Variants in GPRIN3 observed in about 807,000 individuals in gnomAD.
GPRIN3 encodes the protein G protein-regulated inducer of neurite outgrowth 3.
In GPRIN3, 12 loss-of-function variants were observed where a neutral mutation model predicts 13.7. That is an observed-to-expected ratio of 0.87 (90% CI 0.56 to 1.42). The LOEUF is 1.42. Ranked by LOEUF, GPRIN3 falls within the 40% of genes most tolerant of loss-of-function variation. GPRIN3 has a pLI of 0.00. For missense variants in GPRIN3, 1,009 were observed against 958.7 expected (o/e 1.05, Z -0.69); for synonymous variants, 377 against 372.7 (o/e 1.01, Z -0.13).
chr4:89,289,403 C>T (rs1444981857), intron 1 of GPRIN3, among the ~76,000 whole-genome samples: 1 of 152,040 alleles, frequency 6.6e-6, no homozygotes, highest in African/African-American at 2.4e-5. Context: ...ATTTTGACAG[C>T]TTTTGTCCCT....
At chr4:89,274,174 C>G (rs115062519) in intron 1 of GPRIN3, among the ~76,000 whole-genome samples, 3 of 152,138 alleles carry the variant, frequency 2.0e-5, no homozygotes, top group African/African-American at 7.2e-5. Context: ...TACAGCAACA[C>G]GCCAAATAAA....
chr4:89,306,186 T>TA (rs1725028667), intron 1 of GPRIN3, among the ~76,000 whole-genome samples: 1 of 152,174 alleles, frequency 6.6e-6, no homozygotes, highest in Admixed American at 6.5e-5. Context: ...CTTTTGCAGA[T>TA]AGCAGCAGAG....
chr4:89,292,576 G>A (rs1298890363), intron 1 of GPRIN3, among the ~76,000 whole-genome samples: 3 of 152,098 alleles, frequency 2.0e-5, no homozygotes, highest in Non-Finnish European at 4.4e-5. Flanking sequence ...AGAGGTTGAG[G>A]GTCACTGATA....
intron 1 of GPRIN3, among the ~76,000 whole-genome samples, chr4:89,301,537 A>G (rs1421884851): frequency 6.6e-6 from 1 of 152,196 alleles, no homozygotes; most frequent in Non-Finnish European, 1.5e-5. Context: ...ATTTCATTAA[A>G]CCAAAGTTAT....
rs534147368 is a variant in GPRIN3 at position 89,250,203 on chromosome 4, C to G, written c.-93G>C. ...GCAGTCAGAGCTCAGAGTGATGACACAGTCAGGGATGATTCCTCTGAAGAA... is the reference window on the plus strand; with the variant it reads ...GCAGTCAGAGCTCAGAGTGATGACAGAGTCAGGGATGATTCCTCTGAAGAA... On this transcript the variant is annotated 5_prime_UTR_variant, in exon 2 of 2. Transcript: ENST00000609438. The G allele has an allele frequency of 4.4e-4, 669 of 1,517,396 alleles. 1 individual carries two copies. The highest frequency in any genetic ancestry group is 5.5e-4 in the Non-Finnish European group (626 of 1,133,890). The allele number at this position is 1,517,396 out of a possible 1,614,324, so 94.0% of individuals were successfully genotyped here. A position where few individuals can be genotyped will look rare whatever the true frequency, so the allele number is the denominator to read the frequency against.
chr4:89,297,506 T>C (rs1724771640), intron 1 of GPRIN3, among the ~76,000 whole-genome samples: 1 of 152,164 alleles, frequency 6.6e-6, no homozygotes, highest in African/African-American at 2.4e-5. Flanking sequence ...ATTCTATAAT[T>C]GAGGCTCCAT....
chr4:89,271,922 T>A (rs1224406751), intron 1 of GPRIN3, among the ~76,000 whole-genome samples: 1 of 151,986 alleles, frequency 6.6e-6, no homozygotes, highest in East Asian at 1.9e-4. Context: ...AGTGATTAGG[T>A]CATGAGGTCA....
At chr4:89,282,784 C>T (rs576641598) in intron 1 of GPRIN3, among the ~76,000 whole-genome samples, 6 of 151,948 alleles carry the variant, frequency 3.9e-5, no homozygotes, top group East Asian at 1.9e-4. Flanking sequence ...CTTCGTGGCC[C>T]GAGGTGGCTC....
intron 1 of GPRIN3, among the ~76,000 whole-genome samples, chr4:89,263,812 T>C (rs72872525): frequency 0.062 from 9,506 of 152,234 alleles, 984 homozygotes; most frequent in African/African-American, 0.21. Flanking sequence ...ATCAAAGATG[T>C]GCATTTACTA....
At position 89,245,625 on chromosome 4, in the gene GPRIN3, G is replaced by A. The variant is rs1392914353; in HGVS notation, c.*2155C>T. ...ACCTGGGGCCACCCATCTGGAGTAG[G>A]CCCTGTTGACAGCTGCTACTGTGTA... On this transcript the variant is annotated 3_prime_UTR_variant, in exon 2 of 2. Coordinates refer to ENST00000609438, the MANE Select transcript of GPRIN3 (RefSeq NM_198281.3). 6.6e-6 allele frequency: 1 copy of A among 152,226 alleles called. No homozygotes were observed. The highest frequency in any genetic ancestry group is 2.4e-5 in the African/African-American group (1 of 41,434). 9.4% of individuals were successfully genotyped at this position (152,226 alleles called of 1,614,324 possible).
rs1053634642 is a variant in GPRIN3 at position 89,298,489 on chromosome 4, G to C, written c.-124+9126C>G. ...GACAGAGGAGGGACCCAGGTTGTTA[G>C]GCTACCAGGGGAATTCTCTGAGATC... is the stretch of plus-strand genomic sequence containing the variant. On this transcript the variant is annotated intron_variant, in intron 1 of 1. Coordinates refer to ENST00000609438, the MANE Select transcript of GPRIN3 (RefSeq NM_198281.3). Among the ~76,000 whole-genome samples, 4 of 151,944 alleles carry C rather than the reference G, an allele frequency of 2.6e-5. No individual in the cohort carries two copies. In the East Asian group the frequency reaches 7.7e-4, roughly 29 times the overall value.
chr4:89,249,730 T>C lies in GPRIN3; in HGVS notation c.381A>G (p.Thr127=). 6.2e-7 allele frequency: 1 copy of C among 1,614,148 alleles called. No individual in the cohort carries two copies. The highest frequency in any genetic ancestry group is 8.5e-7 in the Non-Finnish European group (1 of 1,180,006). Reference sequence around the variant, plus strand: ...GGCAGGTGTGCTGATTGGCGGGCATTGTCAATGGTGTGTGTATAAGATCCC... The same window carrying C: ...GGCAGGTGTGCTGATTGGCGGGCATCGTCAATGGTGTGTGTATAAGATCCC... ...AGRDLIHTPL[T]MPANQHTCQS... Residue 127 remains threonine, a synonymous_variant, in exon 2 of 2, where the codon ACA becomes ACG. Transcript: ENST00000609438.
chr4:89,304,859 TCTTA>T (rs1406416671), intron 1 of GPRIN3, among the ~76,000 whole-genome samples: 2 of 152,214 alleles, frequency 1.3e-5, no homozygotes, highest in African/African-American at 4.8e-5. Context: ...TCATTCTCTC[TCTTA>T]TTTTTCTAAT....
chr4:89,252,373 A>G (rs1407045272), intron 1 of GPRIN3, among the ~76,000 whole-genome samples: 1 of 152,238 alleles, frequency 6.6e-6, no homozygotes, highest in Non-Finnish European at 1.5e-5. Context: ...TTTATCATTA[A>G]TAAGCCATGT....
Position 89,300,051 on chromosome 4 carries a change from C to T in GPRIN3, c.-124+7564G>A, listed in dbSNP as rs569200245. Among the ~76,000 whole-genome samples, 91 of 152,236 alleles carry T rather than the reference C, an allele frequency of 6.0e-4. 2 individuals carry two copies. Among genetic ancestry groups the T allele is most frequent in the Middle Eastern group, 3.4e-3 (1 of 294 alleles). On this transcript the variant is annotated intron_variant, in intron 1 of 1. Transcript: ENST00000609438. ...AACTCCGTTATTCTTTAACAGACTACGTTAACTCAATTTTTATTCATTAAA... is the reference window on the plus strand; with the variant it reads ...AACTCCGTTATTCTTTAACAGACTATGTTAACTCAATTTTTATTCATTAAA...
In GPRIN3 at chr4:89,267,352, C is replaced by T. The variant is rs116577183; in HGVS notation, c.-123-17119G>A. 2.8e-3 allele frequency among the ~76,000 whole-genome samples: 423 copies of T among 151,894 alleles called. 1 individual carries two copies. Among genetic ancestry groups the T allele is most frequent in the African/African-American group, 9.6e-3 (399 of 41,386 alleles). On this transcript the variant is annotated intron_variant, in intron 1 of 1. Coordinates refer to ENST00000609438, the MANE Select transcript of GPRIN3 (RefSeq NM_198281.3). ...CTCTCTGGATTTTCCAATATTACAC[C>T]AGTTCTTACTTTGTTTAAACCAGTT...
chr4:89,298,045 C>T (rs1268154901), intron 1 of GPRIN3, among the ~76,000 whole-genome samples: 3 of 152,126 alleles, frequency 2.0e-5, no homozygotes, highest in African/African-American at 7.2e-5. Flanking sequence ...TAATGTCACT[C>T]TCACTCATTT....
At chr4:89,280,843 C>A (rs1254220210) in intron 1 of GPRIN3, among the ~76,000 whole-genome samples, 1 of 152,026 alleles carries the variant, frequency 6.6e-6, no homozygotes, top group Non-Finnish European at 1.5e-5. Context: ...CCAAAAAATG[C>A]CAAGGATTGC....
intron 1 of GPRIN3, among the ~76,000 whole-genome samples, chr4:89,277,746 T>A (rs1287154200): frequency 6.6e-6 from 1 of 152,226 alleles, no homozygotes. Context: ...CACGCTGTGG[T>A]CACTGATGAC....
Sources: allele counts gnomAD v4.1 joint callset (sites outside exome capture counted in the v4.1 genomes callset), GRCh38; gene constraint gnomAD v4.1.1; transcripts MANE v1.5; gene names NCBI Gene and HGNC (gene_info 2026-07-23, HGNC 2026-07-21).